RPS6KA5: variants seen among roughly 807,000 people sequenced by gnomAD.
RPS6KA5 encodes the protein ribosomal protein S6 kinase alpha-5.
Under a neutral mutation model 85.5 loss-of-function variants are expected in RPS6KA5, and 27 were observed. That is an observed-to-expected ratio of 0.32 (90% CI 0.23 to 0.44). The LOEUF is 0.44. Ranked by LOEUF, RPS6KA5 falls within the 20% of genes least tolerant of loss-of-function variation. RPS6KA5 has a pLI of 1.00. For synonymous variants in RPS6KA5, 334 were observed against 348.2 expected (o/e 0.96, Z 0.46); for missense variants, 811 against 980.9 (o/e 0.83, Z 2.31).
chr14:90,965,586 G>T (rs750380323), intron 3 of RPS6KA5, among the ~76,000 whole-genome samples: 3 of 152,162 alleles, frequency 2.0e-5, no homozygotes, highest in Non-Finnish European at 4.4e-5. Context: ...AAGTTCACAT[G>T]CAGTTCACGA....
At chr14:90,980,127 G>A (rs764934661) in intron 2 of RPS6KA5, among the ~76,000 whole-genome samples, 3 of 152,108 alleles carry the variant, frequency 2.0e-5, no homozygotes, top group African/African-American at 7.2e-5. Context: ...ACAACTTTTG[G>A]AACCTAACAA....
intron 1 of RPS6KA5, among the ~76,000 whole-genome samples, chr14:91,004,880 A>C (rs1489278535): frequency 6.6e-6 from 1 of 151,906 alleles, no homozygotes; most frequent in Non-Finnish European, 1.5e-5. Flanking sequence ...AGGCAGGAGA[A>C]TGGCCTGAAC....
rs533176706 is a variant in RPS6KA5, at chr14:91,033,473, A to G, written c.103+26859T>C. Reference sequence around the variant, plus strand: ...AAAAATTAGCTGGGTGTGGTGGTGCATGCCTGTAATCCCAGCTACTCGGGA... The same window carrying G: ...AAAAATTAGCTGGGTGTGGTGGTGCGTGCCTGTAATCCCAGCTACTCGGGA... On this transcript the variant is annotated intron_variant, in intron 1 of 16. Transcript: ENST00000614987. Among the ~76,000 whole-genome samples the G allele has an allele frequency of 4.2e-4, 63 of 151,078 alleles. 1 individual carries two copies. In the East Asian group the frequency reaches 8.8e-3, roughly 21 times the overall value.
At chr14:90,883,482 T>A (rs929700876) in intron 14 of RPS6KA5, among the ~76,000 whole-genome samples, 6 of 152,216 alleles carry the variant, frequency 3.9e-5, no homozygotes, top group African/African-American at 1.4e-4. Flanking sequence ...TTTCATTTTC[T>A]TTTCAGGTTT....
At position 90,949,115 on chromosome 14, in the gene RPS6KA5, G is replaced by A. The variant is rs532309538; in HGVS notation, c.395-1565C>T. On this transcript the variant is annotated intron_variant, in intron 3 of 16. Transcript: ENST00000614987. ...ACACAAAGCTAATTATTAAAAAGGT[G>A]TAAAGGAACACAGGATTCCTGCAAA... is the stretch of plus-strand genomic sequence containing the variant. 2.1e-4 allele frequency among the ~76,000 whole-genome samples: 32 copies of A among 152,266 alleles called. 1 individual carries two copies. In the Middle Eastern group the frequency reaches 0.014, roughly 65 times the overall value.
chr14:90,949,737 A>C (rs967828796), intron 3 of RPS6KA5, among the ~76,000 whole-genome samples: 6 of 122,758 alleles, frequency 4.9e-5, no homozygotes, highest in African/African-American at 1.6e-4. Context: ...AGTCTCTCTG[A>C]GCTTCAGTTC....
intron 16 of RPS6KA5, among the ~76,000 whole-genome samples, chr14:90,872,946 T>C (rs1271154117): frequency 6.6e-6 from 1 of 152,230 alleles, no homozygotes; most frequent in Non-Finnish European, 1.5e-5. Flanking sequence ...GATCATCTGA[T>C]AGAAATTCTT....
At chr14:90,894,687 C>T in intron 12 of RPS6KA5, 104 bp from the exon 13 acceptor site, 1 of 1,291,768 alleles carries the variant, frequency 7.7e-7, no homozygotes, top group African/African-American at 1.5e-5. Flanking sequence ...TTTAAATAAT[C>T]CCCTGTTAAA....
intron 2 of RPS6KA5, among the ~76,000 whole-genome samples, chr14:90,989,411 A>C (rs1415093123): frequency 1.3e-5 from 2 of 152,232 alleles, no homozygotes; most frequent in Non-Finnish European, 2.9e-5. Context: ...CTTTACTCTT[A>C]CATGGCAAAA....
In RPS6KA5 at chr14:91,052,285, TAAAAAAAAAAAAA is replaced by T. The variant is rs57523052; in HGVS notation, c.103+8034_103+8046del. 379 of 212,988 alleles carry T rather than the reference TAAAAAAAAAAAAA, an allele frequency of 1.8e-3. 3 individuals are homozygous for T. Among genetic ancestry groups the T allele is most frequent in the Admixed American group, 9.7e-3 (115 of 11,890 alleles). The allele number at this position is 212,988 out of a possible 1,614,324, so 13.2% of individuals were successfully genotyped here. ...CAACATGGCAAAACCCCATCTCTAC[TAAAAAAAAAAAAA>T]AAAAAAAAAAAAAAAAAAAATTACC... is the stretch of plus-strand genomic sequence containing the variant. On this transcript the variant is annotated intron_variant, in intron 1 of 16. Coordinates refer to ENST00000614987, the MANE Select transcript of RPS6KA5 (RefSeq NM_004755.4).
At chr14:90,894,378 G>C (rs745695600) in intron 13 of RPS6KA5, 35 bp downstream of exon 13, 33 of 1,598,086 alleles carry the variant, frequency 2.1e-5, no homozygotes, top group Non-Finnish European at 2.7e-5. Context: ...AATGGTGCTA[G>C]ACTGAATTAC....
intron 16 of RPS6KA5, among the ~76,000 whole-genome samples, 156 bp from the exon 17 acceptor site, chr14:90,872,478 A>G (rs1357076710): frequency 6.6e-6 from 1 of 152,080 alleles, no homozygotes; most frequent in Non-Finnish European, 1.5e-5. Context: ...ATCTAAGTCT[A>G]TTGGCAGGGT....
chr14:90,931,535 T>G (rs1039893136), intron 5 of RPS6KA5, among the ~76,000 whole-genome samples: 9 of 152,068 alleles, frequency 5.9e-5, no homozygotes, highest in Non-Finnish European at 1.2e-4. Context: ...TAACCACAAT[T>G]AAAATTTTTT....
chr14:90,942,095 C>T (rs766570748), intron 5 of RPS6KA5, among the ~76,000 whole-genome samples: 1 of 152,040 alleles, frequency 6.6e-6, no homozygotes, highest in Non-Finnish European at 1.5e-5. Flanking sequence ...CAGTACCCAG[C>T]ATAGTAGAGG....
Position 90,851,922 on chromosome 14 carries a change from A to G in RPS6KA5, c.*20152T>C, listed in dbSNP as rs913954142. On this transcript the variant is annotated 3_prime_UTR_variant, in exon 17 of 17. Transcript: ENST00000614987. ...TCTAACTTCAACACACAGCCTTCCC[A>G]ATCATCTCACAGCGTTTATTTGAAC... is the stretch of plus-strand genomic sequence containing the variant. 3.3e-5 allele frequency: 5 copies of G among 152,238 alleles called. No individual in the cohort carries two copies. In the South Asian group the frequency reaches 6.2e-4, roughly 19 times the overall value. The allele number at this position is 152,238 out of a possible 1,614,324, so 9.4% of individuals were successfully genotyped here.
intron 11 of RPS6KA5, 112 bp downstream of exon 11, chr14:90,899,996 T>C (rs1001614157): frequency 2.3e-6 from 2 of 885,230 alleles, no homozygotes; most frequent in African/African-American, 1.7e-5. Flanking sequence ...GGTTAAACCT[T>C]TGGGTAAGAA....
At chr14:90,953,481 A>T (rs1005996401) in intron 3 of RPS6KA5, among the ~76,000 whole-genome samples, 2 of 152,188 alleles carry the variant, frequency 1.3e-5, no homozygotes, top group African/African-American at 4.8e-5. Flanking sequence ...AAAAGAACAG[A>T]ATAACAGTGA....
intron 14 of RPS6KA5, among the ~76,000 whole-genome samples, chr14:90,885,352 AG>A (rs1450629039): frequency 6.6e-6 from 1 of 151,172 alleles, no homozygotes; most frequent in Non-Finnish European, 1.5e-5. Flanking sequence ...GGAGATCGAG[AG>A]GCATCCTGGC....
intron 4 of RPS6KA5, among the ~76,000 whole-genome samples, chr14:90,945,822 G>A (rs1258210162): frequency 1.3e-5 from 2 of 152,076 alleles, no homozygotes; most frequent in Non-Finnish European, 2.9e-5. Context: ...AGGCAATATG[G>A]CAAAACCTCA....
Sources: gnomAD v4.1 joint callset for allele counts (sites outside exome capture counted in the v4.1 genomes callset) on GRCh38, gnomAD v4.1.1 for gene constraint, MANE v1.5 for transcripts, NCBI Gene and HGNC (gene_info 2026-07-23, HGNC 2026-07-21) for gene names.